C10orf90: variants seen among roughly 807,000 people sequenced by gnomAD.
C10orf90 encodes (E2-independent) E3 ubiquitin-conjugating enzyme FATS.
In C10orf90, 56 loss-of-function variants were observed where a neutral mutation model predicts 62.5. That is an observed-to-expected ratio of 0.90 (90% CI 0.72 to 1.12). C10orf90 has a LOEUF of 1.12. Among genes scored for constraint, C10orf90 ranks in the 50% most tolerant of loss-of-function variants. The pLI is 0.00. For synonymous variants in C10orf90, 386 were observed against 340.4 expected, an observed-to-expected ratio of 1.13 and a Z score of -1.47; for missense variants, 970 against 880.4, an observed-to-expected ratio of 1.10 and a Z score of -1.29.
intron 4 of C10orf90, among the ~76,000 whole-genome samples, chr10:126,467,110 G>A (rs1345974174): frequency 2.6e-5 from 4 of 152,188 alleles, no homozygotes; most frequent in Admixed American, 6.5e-5. Flanking sequence ...ACAGAGATCA[G>A]CTGGCCAATA....
At chr10:126,584,451 C>T (rs951685999) in intron 2 of C10orf90, among the ~76,000 whole-genome samples, 4 of 152,170 alleles carry the variant, frequency 2.6e-5, no homozygotes, top group African/African-American at 9.7e-5. Context: ...CCTCTGTCTA[C>T]CTGTCTGTCT....
chr10:126,638,931 CA>C (rs1316913365), intron 2 of C10orf90, among the ~76,000 whole-genome samples: 1 of 152,228 alleles, frequency 6.6e-6, no homozygotes, highest in African/African-American at 2.4e-5. Flanking sequence ...CACGCTAGAG[CA>C]GCAATCCTTC....
At chr10:126,430,483 T>G (rs575392663) in intron 7 of C10orf90, among the ~76,000 whole-genome samples, 1 of 152,276 alleles carries the variant, frequency 6.6e-6, no homozygotes, top group African/African-American at 2.4e-5. Flanking sequence ...TGTTCACAGA[T>G]GGCACACTTA....
intron 2 of C10orf90, among the ~76,000 whole-genome samples, chr10:126,593,799 T>C (rs945747928): frequency 1.4e-4 from 22 of 152,170 alleles, no homozygotes; most frequent in Admixed American, 1.1e-3. Flanking sequence ...GTTGTTGTTG[T>C]TGTTTCCAAA....
At chr10:126,646,456 A>C (rs1168435041) in intron 2 of C10orf90, 109 bp downstream of exon 2, 12 of 261,758 alleles carry the variant, frequency 4.6e-5, no homozygotes, top group Non-Finnish European at 8.4e-5. Context: ...TTGGGGGAAA[A>C]CTAGGCTCAA....
intron 2 of C10orf90, among the ~76,000 whole-genome samples, chr10:126,581,925 CAGA>C (rs1255153764): frequency 1.3e-5 from 2 of 152,166 alleles, no homozygotes; most frequent in Admixed American, 6.5e-5. Flanking sequence ...ATCTCAGTTG[CAGA>C]AGGACAATGT....
chr10:126,655,436 G>GT, intron 1 of C10orf90, among the ~76,000 whole-genome samples: 1 of 152,296 alleles, frequency 6.6e-6, no homozygotes, highest in East Asian at 1.9e-4. Context: ...GAGACACCCA[G>GT]TGAGCACATG....
intron 2 of C10orf90, among the ~76,000 whole-genome samples, chr10:126,573,213 G>A (rs1844544117): frequency 6.6e-6 from 1 of 152,138 alleles, no homozygotes; most frequent in Admixed American, 6.5e-5. Context: ...CAAGCAGGCG[G>A]TACGTGACTG....
intron 7 of C10orf90, among the ~76,000 whole-genome samples, chr10:126,439,702 C>A (rs762309983): frequency 6.6e-5 from 10 of 151,720 alleles, no homozygotes; most frequent in Non-Finnish European, 1.2e-4. Flanking sequence ...CATTAACAGA[C>A]AAATTAAGCA....
intron 2 of C10orf90, among the ~76,000 whole-genome samples, chr10:126,584,193 C>CCTGTCAAT (rs1844810849): frequency 2.0e-5 from 3 of 152,144 alleles, no homozygotes; most frequent in African/African-American, 7.2e-5. Context: ...TACGTGTCTG[C>CCTGTCAAT]CTGTCAATCT....
chr10:126,622,796 C>T (rs140237754), intron 2 of C10orf90, among the ~76,000 whole-genome samples: 44 of 152,334 alleles, frequency 2.9e-4, no homozygotes, highest in African/African-American at 1.0e-3. Flanking sequence ...CAGCATTAAC[C>T]ATGCTGTAGT....
At chr10:126,447,461 G>T (rs1858860464) in intron 7 of C10orf90, among the ~76,000 whole-genome samples, 1 of 151,826 alleles carries the variant, frequency 6.6e-6, no homozygotes, top group African/African-American at 2.4e-5. Context: ...ATGATAAAGG[G>T]GTCAATTCAT....
intron 2 of C10orf90, among the ~76,000 whole-genome samples, chr10:126,628,728 G>A (rs1898293): frequency 0.5 from 75,316 of 152,080 alleles, 19,124 homozygotes; most frequent in Middle Eastern, 0.64. Context: ...TGACCTGGGC[G>A]TCTCCCCAGC....
chr10:126,603,278 A>G (rs1382409684), intron 2 of C10orf90, among the ~76,000 whole-genome samples: 2 of 152,138 alleles, frequency 1.3e-5, no homozygotes, highest in African/African-American at 4.8e-5. Context: ...CGAAGCAAAC[A>G]TGTCCTTCTT....
intron 1 of C10orf90, among the ~76,000 whole-genome samples, chr10:126,657,950 C>T (rs1267550249): frequency 1.3e-5 from 2 of 152,138 alleles, no homozygotes; most frequent in Non-Finnish European, 2.9e-5. Context: ...TGTTTTGTGG[C>T]AGCCAACAGG....
chr10:126,615,814 G>A lies in C10orf90; in HGVS notation c.313+30751C>T, dbSNP rs189582048. Among the ~76,000 whole-genome samples the A allele has an allele frequency of 1.8e-4, 28 of 152,214 alleles. No individual in the cohort carries two copies. The East Asian group carries it at 3.5e-3, about 19-fold the overall frequency. On this transcript the variant is annotated intron_variant, in intron 2 of 9. Transcript: ENST00000488181. ...TAGAGAGACACAGAAAAGTCCAAAC[G>A]GGCTCAAGATCAGGCTGTGTATATA...
intron 7 of C10orf90, among the ~76,000 whole-genome samples, chr10:126,440,087 T>A (rs1858206606): frequency 6.6e-6 from 1 of 152,242 alleles, no homozygotes. Context: ...GAATCTTGCA[T>A]GCAGACTCCA....
intron 8 of C10orf90, among the ~76,000 whole-genome samples, chr10:126,427,800 T>C (rs569675976): frequency 1.3e-5 from 2 of 152,346 alleles, no homozygotes; most frequent in African/African-American, 4.8e-5. Flanking sequence ...ACTGAGCCAC[T>C]ACTGGCTTCT....
chr10:126,663,066 T>C (rs1324584873), intron 1 of C10orf90, among the ~76,000 whole-genome samples: 1 of 152,200 alleles, frequency 6.6e-6, no homozygotes, highest in Non-Finnish European at 1.5e-5. Flanking sequence ...GTTTCCTCTT[T>C]AATCTGTCTG....
Sources: gnomAD v4.1 joint callset for allele counts (sites outside exome capture counted in the v4.1 genomes callset) on GRCh38, gnomAD v4.1.1 for gene constraint, MANE v1.5 for transcripts, NCBI Gene and HGNC (gene_info 2026-07-23, HGNC 2026-07-21) for gene names.